The following UBE2D3 variants were observed in gnomAD, a reference collection of about 807,000 sequenced individuals.
UBE2D3 encodes the protein ubiquitin-conjugating enzyme E2 D3.
UBE2D3 carries 2 observed loss-of-function variants against 22.8 expected under a neutral mutation model. The observed-to-expected ratio is 0.09, with a 90% confidence interval of 0.04 to 0.28. UBE2D3 has a LOEUF of 0.28. UBE2D3 is among the 10% of genes least tolerant of loss of function. UBE2D3 has a pLI of 1.00. For synonymous variants in UBE2D3, 56 were observed against 60.4 expected (o/e 0.93, Z 0.34); for missense variants, 27 against 182.5 (o/e 0.15, Z 4.91).
chr4:102,800,903 G>A (rs1014656713), intron 6 of UBE2D3, among the ~76,000 whole-genome samples: 2 of 151,980 alleles, frequency 1.3e-5, no homozygotes, highest in African/African-American at 2.4e-5. Context: ...TACATATAAC[G>A]TAACAGATAC....
chr4:102,821,784 T>C (rs1053622948), intron 2 of UBE2D3, among the ~76,000 whole-genome samples: 3 of 152,200 alleles, frequency 2.0e-5, no homozygotes, highest in Non-Finnish European at 2.9e-5. Flanking sequence ...ACACCAACTA[T>C]GTACCCACAA....
intron 2 of UBE2D3, among the ~76,000 whole-genome samples, chr4:102,814,299 T>C (rs1560859449): frequency 6.6e-6 from 1 of 151,748 alleles, no homozygotes; most frequent in Non-Finnish European, 1.5e-5. Context: ...AAAATGACTT[T>C]TTTTTTTGAG....
At chr4:102,815,217 G>T (rs1728627281) in intron 2 of UBE2D3, among the ~76,000 whole-genome samples, 1 of 151,952 alleles carries the variant, frequency 6.6e-6, no homozygotes, top group Admixed American at 6.6e-5. Context: ...CTAATTTTTT[G>T]TATTTTTAGT....
At chr4:102,839,315 G>T (rs887776704) in intron 1 of UBE2D3, among the ~76,000 whole-genome samples, 21 of 152,090 alleles carry the variant, frequency 1.4e-4, no homozygotes, top group Non-Finnish European at 2.5e-4. Flanking sequence ...CACCTAGGCT[G>T]GAATGCAATG....
At chr4:102,825,624 T>G (rs544911169) in intron 2 of UBE2D3, 1 of 1,204,708 alleles carries the variant, frequency 8.3e-7, no homozygotes, top group East Asian at 6.0e-5. Flanking sequence ...CGAAAAATCC[T>G]AGTTTTTTTT....
intron 1 of UBE2D3, chr4:102,826,872 A>T: frequency 9.4e-7 from 1 of 1,067,230 alleles, no homozygotes; most frequent in Non-Finnish European, 1.1e-6. Context: ...CGGGTGGGAG[A>T]GGAAGAGGCG....
intron 4 of UBE2D3, among the ~76,000 whole-genome samples, chr4:102,807,765 C>T (rs560299546): frequency 1.3e-4 from 20 of 152,152 alleles, no homozygotes; most frequent in African/African-American, 2.7e-4. Flanking sequence ...ATAAGCAACA[C>T]CATTCTCTAA....
upstream of UBE2D3, among the ~76,000 whole-genome samples, chr4:102,828,466 A>G (rs1730908156): frequency 6.6e-6 from 1 of 152,034 alleles, no homozygotes; most frequent in Non-Finnish European, 1.5e-5. Context: ...GTCTGACCCT[A>G]AGGGAGCAAT....
intron 1 of UBE2D3, among the ~76,000 whole-genome samples, chr4:102,865,336 A>G (rs1733094271): frequency 6.6e-6 from 1 of 152,100 alleles, no homozygotes; most frequent in Admixed American, 6.6e-5. Context: ...TACTAAAAAT[A>G]CAAAAATTAG....
At chr4:102,838,029 G>A (rs1578283376) in intron 1 of UBE2D3, among the ~76,000 whole-genome samples, 1 of 152,178 alleles carries the variant, frequency 6.6e-6, no homozygotes, top group Admixed American at 6.5e-5. Flanking sequence ...TGAGGTGGGA[G>A]GATTGCTGAA....
intron 1 of UBE2D3, among the ~76,000 whole-genome samples, chr4:102,857,152 T>G (rs2110374855): frequency 6.6e-6 from 1 of 152,300 alleles, no homozygotes; most frequent in South Asian, 2.1e-4. Context: ...GGTTAGAGGG[T>G]GACATATGGG....
chr4:102,849,204 C>CA (rs58647832), intron 1 of UBE2D3, among the ~76,000 whole-genome samples: 17,370 of 143,494 alleles, frequency 0.12, 1,059 homozygotes, highest in Admixed American at 0.16. Flanking sequence ...CCCACTTCTA[C>CA]AAAAAAAAAA....
chr4:102,820,080 G>C (rs916619341), intron 2 of UBE2D3, among the ~76,000 whole-genome samples: 21 of 152,168 alleles, frequency 1.4e-4, no homozygotes, highest in African/African-American at 5.1e-4. Flanking sequence ...GAAATTTTAA[G>C]AATCATCCTC....
At chr4:102,815,630 G>A (rs1015304788) in intron 2 of UBE2D3, among the ~76,000 whole-genome samples, 5 of 152,134 alleles carry the variant, frequency 3.3e-5, no homozygotes, top group Admixed American at 2.6e-4. Context: ...CTTTTAGAGT[G>A]AAGGTATAAT....
At chr4:102,809,506 A>G (rs1169347735) in intron 4 of UBE2D3, 166 bp downstream of exon 4, 1 of 739,354 alleles carries the variant, frequency 1.4e-6, no homozygotes, top group African/African-American at 1.8e-5. Context: ...CACGTAACAA[A>G]TGACTAACTC....
At chr4:102,819,811 C>T (rs1189704967) in intron 2 of UBE2D3, among the ~76,000 whole-genome samples, 1 of 152,196 alleles carries the variant, frequency 6.6e-6, no homozygotes, top group Non-Finnish European at 1.5e-5. Flanking sequence ...GATACATTTC[C>T]TCTCAGCACT....
rs142475900 is a variant in UBE2D3 at position 102,801,135 on chromosome 4, CG to C, written c.304+318del. 7.0e-4 allele frequency among the ~76,000 whole-genome samples: 106 copies of C among 151,684 alleles called. 1 individual carries two copies. The highest frequency in any genetic ancestry group is 2.4e-3 in the African/African-American group (101 of 41,444). ...ATCATACCATTCTTGGTAAAAAGGC[CG>C]CAAGTTAGTGTGAGATGTCCAAGTG... On this transcript the variant is annotated intron_variant, in intron 6 of 7. Coordinates refer to ENST00000453744, the MANE Select transcript of UBE2D3 (RefSeq NM_181891.3).
At chr4:102,862,549 T>A (rs1732949772) in intron 1 of UBE2D3, among the ~76,000 whole-genome samples, 1 of 148,326 alleles carries the variant, frequency 6.7e-6, no homozygotes, top group Non-Finnish European at 1.5e-5. Flanking sequence ...TTTTTCTTAG[T>A]TTATTCCTCA....
intron 1 of UBE2D3, among the ~76,000 whole-genome samples, chr4:102,863,231 A>G (rs1024855595): frequency 2.6e-5 from 4 of 151,796 alleles, no homozygotes; most frequent in Non-Finnish European, 5.9e-5. Flanking sequence ...TTGTATTTTT[A>G]GTAGAGATGG....
Sources: gnomAD v4.1 joint callset for allele counts (sites outside exome capture counted in the v4.1 genomes callset) on GRCh38, gnomAD v4.1.1 for gene constraint, MANE v1.5 for transcripts, NCBI Gene and HGNC (gene_info 2026-07-23, HGNC 2026-07-21) for gene names.